Variants in HUNK observed in about 807,000 individuals in gnomAD.
HUNK encodes hormonally up-regulated Neu-associated kinase.
In HUNK, 21 loss-of-function variants were observed where a neutral mutation model predicts 61.0. The observed-to-expected ratio is 0.34, with a 90% CI of 0.24 to 0.50. The LOEUF is 0.50. HUNK is among the 20% of genes least tolerant of loss of function. HUNK has a pLI of 0.98. For missense variants in HUNK, 772 were observed against 945.7 expected (o/e 0.82, Z 2.41); for synonymous variants, 371 against 386.1 (o/e 0.96, Z 0.46).
At chr21:31,899,851 C>T (rs1056325566) in intron 1 of HUNK, among the ~76,000 whole-genome samples, 52 of 151,830 alleles carry the variant, frequency 3.4e-4, no homozygotes, top group African/African-American at 1.2e-3. Flanking sequence ...GTTCTTGGCT[C>T]ACTACAACCT....
intron 5 of HUNK, 152 bp from the exon 6 acceptor site, chr21:31,968,098 T>TCGGA (rs2052980226): frequency 1.1e-6 from 1 of 889,030 alleles, no homozygotes; most frequent in South Asian, 1.7e-5. Context: ...ATTCATTGAA[T>TCGGA]CGGAACCCTG....
chr21:31,990,151 G>A lies in HUNK; in HGVS notation c.1280G>A (p.Arg427Gln), dbSNP rs139589973. The A allele has an allele frequency of 2.2e-3, 3,518 of 1,613,936 alleles. 8 individuals carry two copies. Among genetic ancestry groups the A allele is most frequent in the South Asian group, 4.2e-3 (382 of 91,058 alleles). ...SYEASLDTWTRDLEFHAVQDK... is the reference protein window; with the variant it reads ...SYEASLDTWTQDLEFHAVQDK... ...CAGGCCTCTCTGGACACCTGGACAC[G>A]AGATCTTGAATTCCATGCCGTGCAG... Residue 427 changes from arginine (R) to glutamine (Q), a missense_variant, in exon 9 of 11, where the codon CGA (arginine) becomes CAA (glutamine). By Grantham distance (43) the Arg-to-Gln change is conservative (BLOSUM62 1). Coordinates refer to ENST00000270112, the MANE Select transcript of HUNK (RefSeq NM_014586.2).
chr21:31,901,901 A>G (rs141134197), intron 1 of HUNK, among the ~76,000 whole-genome samples: 2 of 152,224 alleles, frequency 1.3e-5, no homozygotes, highest in East Asian at 1.9e-4. Flanking sequence ...TCAGGCCTCA[A>G]CCAGGTCATA....
At chr21:31,948,768 C>A in intron 4 of HUNK, among the ~76,000 whole-genome samples, 1 of 152,140 alleles carries the variant, frequency 6.6e-6, no homozygotes, top group East Asian at 1.9e-4. Flanking sequence ...GCTGAGAAAG[C>A]AAGCAGAGGA....
intron 8 of HUNK, among the ~76,000 whole-genome samples, chr21:31,985,497 G>T (rs2053126462): frequency 6.6e-6 from 1 of 152,208 alleles, no homozygotes; most frequent in African/African-American, 2.4e-5. Flanking sequence ...GAGCTCAGGA[G>T]AGGGACTTGC....
At chr21:31,880,710 G>A (rs900605459) in intron 1 of HUNK, among the ~76,000 whole-genome samples, 1 of 152,166 alleles carries the variant, frequency 6.6e-6, no homozygotes, top group East Asian at 1.9e-4. Flanking sequence ...AGGTACCAAC[G>A]GGACTTGAAG....
At chr21:31,936,711 T>G (rs2052735134) in intron 2 of HUNK, among the ~76,000 whole-genome samples, 1 of 152,234 alleles carries the variant, frequency 6.6e-6, no homozygotes, top group Admixed American at 6.5e-5. Context: ...GGACATTTCC[T>G]AGATTTGAAA....
intron 2 of HUNK, among the ~76,000 whole-genome samples, chr21:31,933,960 G>A (rs532746189): frequency 1.3e-5 from 2 of 151,920 alleles, no homozygotes; most frequent in East Asian, 1.9e-4. Flanking sequence ...TCACCGCATC[G>A]TCATGTGCCG....
intron 8 of HUNK, 106 bp from the exon 9 acceptor site, chr21:31,990,023 G>A (rs2053160964): frequency 6.7e-6 from 7 of 1,049,722 alleles, no homozygotes; most frequent in Admixed American, 1.7e-5. Flanking sequence ...TATGAAAACC[G>A]AAACGAATAA....
intron 1 of HUNK, among the ~76,000 whole-genome samples, chr21:31,899,171 C>A (rs899810982): frequency 1.3e-5 from 2 of 152,070 alleles, no homozygotes; most frequent in Non-Finnish European, 2.9e-5. Context: ...TCCCTTTTAA[C>A]GTTCTCTATT....
intron 5 of HUNK, among the ~76,000 whole-genome samples, chr21:31,960,734 A>G (rs2052922155): frequency 1.3e-5 from 2 of 152,188 alleles, no homozygotes; most frequent in East Asian, 3.8e-4. Flanking sequence ...TACCATGAGA[A>G]CAGCATGAAC....
intron 10 of HUNK, among the ~76,000 whole-genome samples, chr21:31,997,381 A>G (rs983306828): frequency 4.6e-5 from 7 of 152,250 alleles, no homozygotes; most frequent in African/African-American, 1.7e-4. Flanking sequence ...GGTTCCATCC[A>G]GATCAAAAGT....
intron 5 of HUNK, among the ~76,000 whole-genome samples, chr21:31,964,228 T>C (rs1326423365): frequency 1.3e-5 from 2 of 152,206 alleles, no homozygotes; most frequent in Non-Finnish European, 2.9e-5. Flanking sequence ...GTTGAGTCAG[T>C]GCTAATTACG....
chr21:31,914,192 G>A (rs1006821913), intron 1 of HUNK, among the ~76,000 whole-genome samples: 2 of 152,022 alleles, frequency 1.3e-5, no homozygotes, highest in African/African-American at 2.4e-5. Context: ...CGGATCACCT[G>A]TGGTCAGGAG....
chr21:31,997,241 T>C (rs2053212076), intron 10 of HUNK, among the ~76,000 whole-genome samples: 1 of 152,246 alleles, frequency 6.6e-6, no homozygotes. Context: ...GGTTTCCCCT[T>C]TCTTTTCTGG....
intron 3 of HUNK, among the ~76,000 whole-genome samples, chr21:31,942,867 C>T (rs935439139): frequency 2.2e-5 from 3 of 136,848 alleles, no homozygotes; most frequent in African/African-American, 9.0e-5. Flanking sequence ...CTCATACCTG[C>T]CCCGAGAGAG....
chr21:31,902,882 T>A (rs1331056078), intron 1 of HUNK, among the ~76,000 whole-genome samples: 1 of 152,214 alleles, frequency 6.6e-6, no homozygotes, highest in Non-Finnish European at 1.5e-5. Flanking sequence ...TGCTTAATTA[T>A]AAGCTCTCAC....
chr21:31,982,966 G>A (rs941982823), intron 7 of HUNK, among the ~76,000 whole-genome samples: 1 of 152,108 alleles, frequency 6.6e-6, no homozygotes, highest in East Asian at 1.9e-4. Flanking sequence ...ACCATGATTG[G>A]CTATTTTTGT....
chr21:31,892,669 A>G (rs568975097), intron 1 of HUNK, among the ~76,000 whole-genome samples: 1 of 151,948 alleles, frequency 6.6e-6, no homozygotes, highest in South Asian at 2.1e-4. Context: ...CCTTAAAAGT[A>G]TGTATTATTT....
Sources: allele counts gnomAD v4.1 joint callset (sites outside exome capture counted in the v4.1 genomes callset), GRCh38; gene constraint gnomAD v4.1.1; transcripts MANE v1.5; gene names NCBI Gene and HGNC (gene_info 2026-07-23, HGNC 2026-07-21).